The following LAMA3 variants were observed in gnomAD, a reference collection of about 807,000 sequenced individuals.
The protein encoded by LAMA3 is laminin subunit alpha-3.
Under a neutral mutation model 402.0 loss-of-function variants are expected in LAMA3, and 281 were observed. That is an observed-to-expected ratio of 0.70 (90% CI 0.63 to 0.77). The LOEUF is 0.77. LAMA3 is among the 30% of genes least tolerant of loss of function. LAMA3 has a pLI of 0.00. For missense variants in LAMA3, 3,840 were observed against 4,215.5 expected (o/e 0.91, Z 2.47); for synonymous variants, 1,431 against 1,558.4 (o/e 0.92, Z 1.93).
intron 2 of LAMA3, among the ~76,000 whole-genome samples, chr18:23,729,852 T>G (rs1050720506): frequency 6.6e-6 from 1 of 152,212 alleles, no homozygotes; most frequent in Non-Finnish European, 1.5e-5. Context: ...AGAGCCAGCC[T>G]TAGGCGCTGT....
intron 59 of LAMA3, 140 bp downstream of exon 59, chr18:23,915,562 G>A: frequency 1.3e-6 from 1 of 777,756 alleles, no homozygotes; most frequent in Admixed American, 1.9e-5. Flanking sequence ...TCAAGTATGT[G>A]TGCATGCAAC....
chr18:23,832,222 C>T (rs2063502149), intron 23 of LAMA3, among the ~76,000 whole-genome samples: 1 of 152,122 alleles, frequency 6.6e-6, no homozygotes, highest in Non-Finnish European at 1.5e-5. Flanking sequence ...GGGGTAATGA[C>T]AGTCAGGCCC....
At chr18:23,752,585 C>T (rs574065044) in intron 5 of LAMA3, among the ~76,000 whole-genome samples, 2 of 152,168 alleles carry the variant, frequency 1.3e-5, no homozygotes, top group African/African-American at 2.4e-5. Flanking sequence ...GCCCTTAATA[C>T]GTGTGGAGGG....
chr18:23,873,288 C>A (rs1270789093), intron 38 of LAMA3: 3 of 1,331,162 alleles, frequency 2.3e-6, no homozygotes, highest in East Asian at 4.6e-5. Flanking sequence ...GTTACAGTTA[C>A]GGTGATTAAT....
In LAMA3 at chr18:23,879,687, A is replaced by G. The variant is rs1177461544; in HGVS notation, c.5113-2249A>G. Among the ~76,000 whole-genome samples the G allele has an allele frequency of 6.6e-6, 1 of 152,186 alleles. No individual in the cohort carries two copies. Among genetic ancestry groups the G allele is most frequent in the Admixed American group, 6.5e-5 (1 of 15,280 alleles). On this transcript the variant is annotated intron_variant, in intron 39 of 74. Transcript: ENST00000313654. This position sits in a 1 kb window ranked among gnomAD's most constrained non-coding sequence, Gnocchi z 4.2. ...CATTTATTTATTCACAGTAAAACAC[A>G]AGGAACCTGAAGGGAGGTGCTCCAA... is the stretch of plus-strand genomic sequence containing the variant.
intron 41 of LAMA3, among the ~76,000 whole-genome samples, chr18:23,889,705 GAAGGGAGGAAGGAAGGAAGAAAGGAAGGA>G (rs2080583083): frequency 2.3e-5 from 1 of 43,910 alleles, no homozygotes; most frequent in Non-Finnish European, 8.6e-5. Flanking sequence ...AGGGAGGGAG[GAAGGGAGGAAGGAAGGAAGAAAGGAAGGA>G]AAGGAAGGAA....
In LAMA3 at chr18:23,873,352, GC is replaced by G. The variant is rs1026223741; in HGVS notation, c.4998+1692del. ...GATGGCCTCCCAGTCACCTTGACTG[GC>G]AGTGTTTATTACAGTGCCTGACAGA... On this transcript the variant is annotated intron_variant, in intron 38 of 74. Transcript: ENST00000313654. 1.9e-5 allele frequency: 16 copies of G among 835,184 alleles called. No individual in the cohort carries two copies. The African/African-American group carries it at 2.3e-4, about 12-fold the overall frequency. 51.7% of individuals were successfully genotyped at this position (835,184 alleles called of 1,614,324 possible). A position where few individuals can be genotyped will look rare whatever the true frequency, so the allele number is the denominator to read the frequency against.
intron 2 of LAMA3, among the ~76,000 whole-genome samples, chr18:23,744,831 C>CAAAA (rs755527455): frequency 6.1e-4 from 19 of 31,078 alleles, no homozygotes; most frequent in African/African-American, 1.9e-3. Context: ...GACTCTGTCT[C>CAAAA]AAAAAAAAAA....
chr18:23,890,746 G>A (rs1454123656), intron 42 of LAMA3, among the ~76,000 whole-genome samples: 4 of 152,144 alleles, frequency 2.6e-5, no homozygotes, highest in Non-Finnish European at 4.4e-5. Context: ...TATATTTATG[G>A]ACAAGTTGAA....
Position 23,861,765 on chromosome 18 carries a change from C to T in LAMA3, c.4542C>T (p.His1514=). 2 of 1,613,892 alleles carry T rather than the reference C, an allele frequency of 1.2e-6. No individual in the cohort carries two copies. The highest frequency in any genetic ancestry group is 1.7e-6 in the Non-Finnish European group (2 of 1,179,898). ...TCCAGGAGCTGCCCGCAACCATCCACAGCGCGTCCTGGGTCGCACCCACCT... is the reference window on the plus strand; with the variant it reads ...TCCAGGAGCTGCCCGCAACCATCCATAGCGCGTCCTGGGTCGCACCCACCT... The part of the protein sequence containing the change: ...ADLQELPATI[H]SASWVAPTSY... The change falls in exon 35 of 75, where the codon CAC becomes CAT. Residue 1514 remains histidine (H), a synonymous_variant. Transcript: ENST00000313654.
At position 23,867,900 on chromosome 18, in the gene LAMA3, C is replaced by T. The variant is rs552326056; in HGVS notation, c.4750C>T (p.Arg1584Ter). 129 of 1,613,956 alleles carry T rather than the reference C, an allele frequency of 8.0e-5. 1 individual carries two copies. The East Asian group carries it at 2.1e-3, about 26-fold the overall frequency. Residue 1584 changes from arginine (R) to a stop codon, truncating the protein, a stop_gained, in exon 37 of 75, where the codon CGA becomes TGA. Coordinates refer to ENST00000313654, the MANE Select transcript of LAMA3 (RefSeq NM_198129.4). LOFTEE classifies it high-confidence loss of function. ...ACGGCCAGACCGGCTGCATCATGGA[C>T]GAGTGCACGTGGTCGAGGTAAAGGA... is the stretch of plus-strand genomic sequence containing the variant. ...TPRPDRLHHG[R>*]VHVVEGNFRH...
intron 2 of LAMA3, among the ~76,000 whole-genome samples, chr18:23,742,380 C>T (rs759618674): frequency 1.2e-4 from 18 of 151,870 alleles, no homozygotes; most frequent in Non-Finnish European, 2.1e-4. Flanking sequence ...GATTAAATCC[C>T]GAGATGGGAA....
intron 6 of LAMA3, 141 bp downstream of exon 6, chr18:23,753,953 T>C (rs2061797709): frequency 1.4e-6 from 1 of 706,740 alleles, no homozygotes; most frequent in African/African-American, 1.8e-5. Context: ...GTGGGGGGTG[T>C]GTGCCTCCTC....
chr18:23,821,215 G>A (rs73969532), intron 19 of LAMA3, among the ~76,000 whole-genome samples: 241 of 152,294 alleles, frequency 1.6e-3, no homozygotes, highest in African/African-American at 5.6e-3. Context: ...GACCTTGATG[G>A]TGTCCCCAGC....
chr18:23,878,006 G>C (rs1481818031), intron 39 of LAMA3, among the ~76,000 whole-genome samples: 2 of 152,164 alleles, frequency 1.3e-5, no homozygotes, highest in Non-Finnish European at 2.9e-5. Context: ...CCAGCTACTT[G>C]GGAGGCTGAG....
intron 12 of LAMA3, among the ~76,000 whole-genome samples, chr18:23,795,441 C>T (rs1277295902): frequency 3.3e-5 from 5 of 152,234 alleles, no homozygotes; most frequent in African/African-American, 1.2e-4. Flanking sequence ...TAAATTATGT[C>T]TAATATACCT....
rs2061792969 is a variant in LAMA3, at chr18:23,753,721, T to A, written c.856T>A (p.Tyr286Asn). ...GCATGTTCTGTGTTCTGTTGTGCAG[T>A]ATTATTACAGCATAAAGGACATCAG... ...AQRDPTVTRRYYYSIKDISIG... is the reference protein window; with the variant it reads ...AQRDPTVTRRNYYSIKDISIG... The change falls in exon 6 of 75, where the codon TAT becomes AAT. Residue 286 changes from tyrosine (Y) to asparagine (N), a missense_variant and splice_region_variant. Around this residue, in one of 3 missense-constraint regions of LAMA3, gnomAD observed 2,109 missense variants for 2,376.0 expected, o/e 0.89. Coordinates refer to ENST00000313654, the MANE Select transcript of LAMA3 (RefSeq NM_198129.4). The A allele has an allele frequency of 6.2e-7, 1 of 1,611,694 alleles. No homozygotes were observed. The highest frequency in any genetic ancestry group is 1.3e-5 in the African/African-American group (1 of 74,892).
chr18:23,857,970 C>T lies in LAMA3; in HGVS notation c.4263C>T (p.Thr1421=), dbSNP rs776489707. Residue 1421 remains threonine (T), a synonymous_variant, in exon 33 of 75, where the codon ACC becomes ACT. Transcript: ENST00000313654. ...AGCCAGGAGTGTGTGACCCAGGGAC[C>T]GGGGCTTGCCTCTGCAAGGTAAGAG... ...GTEPGVCDPG[T]GACLCKENVE... 2.7e-5 allele frequency: 44 copies of T among 1,613,968 alleles called. No homozygotes were observed. The highest frequency in any genetic ancestry group is 1.1e-4 in the East Asian group (5 of 44,902).
intron 12 of LAMA3, among the ~76,000 whole-genome samples, chr18:23,799,567 C>T (rs1447108441): frequency 1.3e-5 from 2 of 152,212 alleles, no homozygotes; most frequent in African/African-American, 2.4e-5. Context: ...CTGTGTCACC[C>T]ACATTATGCT....
Sources: gnomAD v4.1 joint callset for allele counts (sites outside exome capture counted in the v4.1 genomes callset) on GRCh38, gnomAD v4.1.1 for gene constraint, gnomAD v4.1.1 regional missense constraint, Gnocchi (gnomAD v3.1) non-coding constraint, MANE v1.5 for transcripts, NCBI Gene and HGNC (gene_info 2026-07-23, HGNC 2026-07-21) for gene names.